The following RALGPS2 variants were observed in gnomAD, a reference collection of about 807,000 sequenced individuals.
RALGPS2 encodes the protein Ral GEF with PH domain and SH3 binding motif 2.
A neutral mutation model predicts 86.8 loss-of-function variants in RALGPS2; 43 were observed. That is an observed-to-expected ratio of 0.50 (90% CI 0.39 to 0.64). The LOEUF (loss-of-function observed/expected upper bound fraction) is 0.64, where lower values mean the gene tolerates loss of function less well. Among genes scored for constraint, RALGPS2 ranks in the 30% least tolerant of loss-of-function variants. The probability of loss-of-function intolerance (pLI) is 0.00; values close to 1 mark genes in which losing one functional copy is unlikely to be tolerated. For synonymous variants in RALGPS2, 243 were observed against 231.3 expected (o/e 1.05, Z -0.46); for missense variants, 536 against 694.6 (o/e 0.77, Z 2.57).
At chr1:178,796,248 A>G (rs1654185553) in intron 4 of RALGPS2, among the ~76,000 whole-genome samples, 1 of 152,152 alleles carries the variant, frequency 6.6e-6, no homozygotes, top group African/African-American at 2.4e-5. Context: ...GGAAGAGAAA[A>G]GAGGATGTGA....
Position 178,820,804 on chromosome 1 carries a change from G to A in RALGPS2, c.388-808G>A, listed in dbSNP as rs545232475. On this transcript the variant is annotated intron_variant, in intron 6 of 19. Transcript: ENST00000367635. ...TGGATGAGGGTTTATATTATGTTTT[G>A]TGTTATTAATTTATTTTGTTTTTAT... Among the ~76,000 whole-genome samples, 36 of 152,170 alleles carry A rather than the reference G, an allele frequency of 2.4e-4. No individual in the cohort carries two copies. In the South Asian group the frequency reaches 4.4e-3, roughly 18 times the overall value.
At chr1:178,805,798 A>T (rs1392406634) in intron 4 of RALGPS2, among the ~76,000 whole-genome samples, 1 of 152,114 alleles carries the variant, frequency 6.6e-6, no homozygotes, top group Non-Finnish European at 1.5e-5. Flanking sequence ...TGACTAAGTA[A>T]CTATATTTTT....
At chr1:178,776,078 A>G (rs188866426) in intron 1 of RALGPS2, among the ~76,000 whole-genome samples, 107 of 152,314 alleles carry the variant, frequency 7.0e-4, no homozygotes, top group Middle Eastern at 3.4e-3. Context: ...AGTATACAAG[A>G]GGATGTGTAT....
chr1:178,853,872 G>A (rs1657352171), intron 8 of RALGPS2: 16 of 1,113,040 alleles, frequency 1.4e-5, no homozygotes, highest in Non-Finnish European at 2.0e-5. Flanking sequence ...TTTTACCTTT[G>A]TGTCTTTGTT....
intron 4 of RALGPS2, among the ~76,000 whole-genome samples, chr1:178,805,555 T>A (rs1435364707): frequency 2.0e-5 from 3 of 152,110 alleles, no homozygotes; most frequent in East Asian, 1.9e-4. Context: ...CCATTGCTTG[T>A]TTTTCTCAGG....
intron 6 of RALGPS2, 66 bp downstream of exon 6, chr1:178,811,470 A>G: frequency 9.1e-7 from 1 of 1,101,456 alleles, no homozygotes; most frequent in Non-Finnish European, 1.3e-6. Flanking sequence ...GTGAATAAAT[A>G]TTCGTGATGC....
chr1:178,733,076 G>C (rs78047208), intron 1 of RALGPS2, among the ~76,000 whole-genome samples: 1 of 152,070 alleles, frequency 6.6e-6, no homozygotes, highest in African/African-American at 2.4e-5. Context: ...ATTCTGTAAC[G>C]TAGGGATTCT....
chr1:178,921,446 A>G lies in RALGPS2; in HGVS notation c.*5087A>G, dbSNP rs1647306347. 1 of 151,788 alleles carries G rather than the reference A, an allele frequency of 6.6e-6. No individual in the cohort carries two copies. The highest frequency in any genetic ancestry group is 6.6e-5 in the Admixed American group (1 of 15,232). 9.4% of individuals were successfully genotyped at this position (151,788 alleles called of 1,614,324 possible). ...ATAGCTGATAATAAGTCAGACTCTC[A>G]AGAGTTTCTGTACCTTGATTATTGA... On this transcript the variant is annotated 3_prime_UTR_variant, in exon 20 of 20. Transcript: ENST00000367635.
chr1:178,892,203 T>C (rs1354490049), intron 14 of RALGPS2, 27 bp from the exon 15 acceptor site: 1 of 1,584,336 alleles, frequency 6.3e-7, no homozygotes, highest in Non-Finnish European at 8.7e-7. Flanking sequence ...ATATGTAATA[T>C]ATACAATTTA....
intron 1 of RALGPS2, among the ~76,000 whole-genome samples, chr1:178,727,230 CTTTT>C (rs76880384): frequency 1.4e-5 from 2 of 146,448 alleles, no homozygotes; most frequent in African/African-American, 5.0e-5. Context: ...TTATATTCCA[CTTTT>C]TTTTTTTTCC....
chr1:178,916,268 A>G, intron 19 of RALGPS2, 62 bp from the exon 20 acceptor site: 1 of 1,359,016 alleles, frequency 7.4e-7, no homozygotes, highest in Non-Finnish European at 1.0e-6. Context: ...ACAAGGAAAG[A>G]TAAGAAATAC....
chr1:178,856,194 G>GAT (rs776840814), intron 8 of RALGPS2, among the ~76,000 whole-genome samples: 132 of 99,132 alleles, frequency 1.3e-3, no homozygotes, highest in African/African-American at 5.0e-3. Flanking sequence ...CTTTTCCAGA[G>GAT]AGAGAGAGAT....
intron 2 of RALGPS2, among the ~76,000 whole-genome samples, chr1:178,780,498 T>C (rs1356476924): frequency 6.6e-6 from 1 of 152,186 alleles, no homozygotes; most frequent in Non-Finnish European, 1.5e-5. Flanking sequence ...AAACTGTCTG[T>C]GGTTCCTCAT....
intron 1 of RALGPS2, among the ~76,000 whole-genome samples, chr1:178,744,234 GT>G (rs1356560894): frequency 6.6e-6 from 1 of 152,114 alleles, no homozygotes; most frequent in Non-Finnish European, 1.5e-5. Context: ...ACTACATTAA[GT>G]AAAAAAAACT....
At chr1:178,824,956 AG>A (rs1355741882) in intron 7 of RALGPS2, among the ~76,000 whole-genome samples, 1 of 152,212 alleles carries the variant, frequency 6.6e-6, no homozygotes, top group African/African-American at 2.4e-5. Flanking sequence ...GACATAAAAA[AG>A]CAAGGTCTTT....
At chr1:178,775,225 AT>A (rs1367317872) in intron 1 of RALGPS2, among the ~76,000 whole-genome samples, 1 of 152,174 alleles carries the variant, frequency 6.6e-6, no homozygotes, top group Non-Finnish European at 1.5e-5. Flanking sequence ...TATTTTATAG[AT>A]GAGAAAACTG....
At chr1:178,792,846 A>C (rs1459518435) in intron 4 of RALGPS2, among the ~76,000 whole-genome samples, 1 of 152,214 alleles carries the variant, frequency 6.6e-6, no homozygotes, top group Non-Finnish European at 1.5e-5. Flanking sequence ...CAGTGATTAT[A>C]AAGAAGGGGG....
intron 14 of RALGPS2, among the ~76,000 whole-genome samples, chr1:178,890,790 G>A (rs1005241835): frequency 1.8e-4 from 28 of 151,670 alleles, no homozygotes; most frequent in African/African-American, 5.6e-4. Flanking sequence ...TTTGTTTTGC[G>A]GGATAATAAT....
chr1:178,756,537 G>A (rs868001843), intron 1 of RALGPS2, among the ~76,000 whole-genome samples: 6 of 151,974 alleles, frequency 3.9e-5, no homozygotes, highest in Admixed American at 2.6e-4. Flanking sequence ...TACTAGAACC[G>A]TGCTGTTTTG....
Sources: allele counts gnomAD v4.1 joint callset (sites outside exome capture counted in the v4.1 genomes callset), GRCh38; gene constraint gnomAD v4.1.1; transcripts MANE v1.5; gene names NCBI Gene and HGNC (gene_info 2026-07-23, HGNC 2026-07-21).